The following MECOM variants were observed in gnomAD, a reference collection of about 807,000 sequenced individuals.
MECOM encodes the protein MDS1 and EVI1 complex locus.
Under a neutral mutation model 116.3 loss-of-function variants are expected in MECOM, and 13 were observed. The observed-to-expected ratio is 0.11, with a 90% CI of 0.07 to 0.18. The LOEUF is 0.18. Among genes scored for constraint, MECOM ranks in the 10% least tolerant of loss-of-function variants. The pLI, the probability that MECOM is intolerant of heterozygous loss-of-function variation, is 1.00. For synonymous variants in MECOM, 528 were observed against 535.2 expected (o/e 0.99, Z 0.19); for missense variants, 1,299 against 1,509.0 (o/e 0.86, Z 2.31).
At chr3:169,526,900 G>T (rs1758029738) in intron 1 of MECOM, among the ~76,000 whole-genome samples, 1 of 151,984 alleles carries the variant, frequency 6.6e-6, no homozygotes, top group South Asian at 2.1e-4. Context: ...ATAAAATAAT[G>T]ATTCTACACA....
chr3:169,520,491 G>C (rs1250943387), intron 1 of MECOM, among the ~76,000 whole-genome samples: 2 of 152,106 alleles, frequency 1.3e-5, no homozygotes, highest in Non-Finnish European at 2.9e-5. Context: ...GGGGATGGAG[G>C]CTATCTTTCC....
intron 2 of MECOM, among the ~76,000 whole-genome samples, chr3:169,267,834 T>A (rs1362558346): frequency 1.3e-5 from 2 of 151,900 alleles, no homozygotes; most frequent in Non-Finnish European, 2.9e-5. Context: ...ACACGAATAA[T>A]CACAATCCTC....
rs564125157 is a variant in MECOM, at chr3:169,651,880, A to G, written c.37+11456T>C. ...TGGGGGAAAAAATCTGCTGGAAGCT[A>G]CACTAAAGGATGAATGGTGGTCATC... On this transcript the variant is annotated intron_variant, in intron 1 of 16. Coordinates refer to ENST00000651503, the MANE Select transcript of MECOM (RefSeq NM_004991.4). Among the ~76,000 whole-genome samples the G allele has an allele frequency of 2.0e-5, 3 of 152,336 alleles. No homozygotes were observed. The East Asian group carries it at 5.8e-4, about 29-fold the overall frequency.
At chr3:169,147,499 T>A (rs955933759) in intron 2 of MECOM, 6 of 985,300 alleles carry the variant, frequency 6.1e-6, no homozygotes, top group Non-Finnish European at 7.2e-6. Flanking sequence ...GCTCCTCTTT[T>A]AAATTTTTAA....
intron 2 of MECOM, among the ~76,000 whole-genome samples, chr3:169,239,931 C>G (rs1754578243): frequency 6.6e-6 from 1 of 152,118 alleles, no homozygotes. Flanking sequence ...AAGCTTTTTA[C>G]TACAAGAATT....
At chr3:169,360,432 T>A (rs186979673) in intron 2 of MECOM, among the ~76,000 whole-genome samples, 1 of 151,290 alleles carries the variant, frequency 6.6e-6, no homozygotes, top group Non-Finnish European at 1.5e-5. Context: ...CTGTAATAGA[T>A]TTTCTGTAGA....
intron 1 of MECOM, among the ~76,000 whole-genome samples, chr3:169,571,286 G>C (rs1027212245): frequency 6.6e-6 from 1 of 152,150 alleles, no homozygotes; most frequent in African/African-American, 2.4e-5. Flanking sequence ...ATTTACAAGG[G>C]ATGTGAAGGA....
chr3:169,310,806 A>G (rs1327475516), intron 2 of MECOM, among the ~76,000 whole-genome samples: 3 of 152,224 alleles, frequency 2.0e-5, no homozygotes, highest in Non-Finnish European at 4.4e-5. Context: ...CCTAACAGAC[A>G]TAGCTGTGTT....
intron 2 of MECOM, among the ~76,000 whole-genome samples, chr3:169,323,150 T>C (rs1721216034): frequency 6.6e-6 from 1 of 152,148 alleles, no homozygotes; most frequent in African/African-American, 2.4e-5. Context: ...AGTCATCATA[T>C]GCACTCACAC....
At position 169,655,814 on chromosome 3, in the gene MECOM, A is replaced by T. The variant is rs187061372; in HGVS notation, c.37+7522T>A. ...AAAAAGGATGTTTCTTCTTCAGAAA[A>T]TTTAACTGATAAATTATAAGGAAAC... is the stretch of plus-strand genomic sequence containing the variant. On this transcript the variant is annotated intron_variant, in intron 1 of 16. Coordinates refer to ENST00000651503, the MANE Select transcript of MECOM (RefSeq NM_004991.4). Among the ~76,000 whole-genome samples the T allele has an allele frequency of 5.5e-3, 845 of 152,346 alleles. 9 individuals are homozygous for T. Among genetic ancestry groups the T allele is most frequent in the Non-Finnish European group, 7.7e-3 (521 of 68,034 alleles).
At chr3:169,319,996 G>A (rs564404380) in intron 2 of MECOM, among the ~76,000 whole-genome samples, 10 of 152,302 alleles carry the variant, frequency 6.6e-5, no homozygotes, top group African/African-American at 2.4e-4. Flanking sequence ...GAGGTCGTAC[G>A]GTGACTTTGC....
At chr3:169,482,538 G>A (rs1422847393) in intron 1 of MECOM, among the ~76,000 whole-genome samples, 1 of 151,916 alleles carries the variant, frequency 6.6e-6, no homozygotes, top group African/African-American at 2.4e-5. Flanking sequence ...GTGTCACCGT[G>A]TTAGCCAGAA....
At chr3:169,325,062 A>T (rs1721615451) in intron 2 of MECOM, among the ~76,000 whole-genome samples, 1 of 152,166 alleles carries the variant, frequency 6.6e-6, no homozygotes, top group Non-Finnish European at 1.5e-5. Flanking sequence ...TTGAAGTCTA[A>T]CCTACCATGG....
chr3:169,565,910 C>T (rs1194752074), intron 1 of MECOM: 2 of 440,364 alleles, frequency 4.5e-6, no homozygotes, highest in Non-Finnish European at 4.5e-6. Flanking sequence ...TTTCACACTC[C>T]TTTAAAGAAC....
At chr3:169,132,045 G>A in intron 3 of MECOM, 1 of 898,688 alleles carries the variant, frequency 1.1e-6, no homozygotes, top group Non-Finnish European at 1.3e-6. Flanking sequence ...GACAACAAAG[G>A]AGAGTATTTT....
chr3:169,537,305 CA>C (rs774809035), intron 1 of MECOM, among the ~76,000 whole-genome samples: 97 of 152,266 alleles, frequency 6.4e-4, no homozygotes, highest in African/African-American at 2.2e-3. Flanking sequence ...CTAGCATAGC[CA>C]TTAGTATTAG....
intron 2 of MECOM, among the ~76,000 whole-genome samples, chr3:169,228,638 C>T (rs996961430): frequency 6.6e-6 from 1 of 152,156 alleles, no homozygotes; most frequent in South Asian, 2.1e-4. Context: ...CAATTAACCT[C>T]AAAGGCATTT....
Position 169,350,289 on chromosome 3 carries a change from C to A in MECOM, c.375+30898G>T, listed in dbSNP as rs114116134. 3.5e-3 allele frequency among the ~76,000 whole-genome samples: 532 copies of A among 152,004 alleles called. 3 individuals carry two copies. The highest frequency in any genetic ancestry group is 0.012 in the African/African-American group (488 of 41,488). On this transcript the variant is annotated intron_variant, in intron 2 of 16. Transcript: ENST00000651503. ...ACTTGGAACCTGGTCTAAGCTCTAC[C>A]CCCAAAGTAGTTGGGTGACCTTGAG...
chr3:169,378,446 AAAGAAGGAAAGCAAGC>A (rs1380291645), intron 2 of MECOM, among the ~76,000 whole-genome samples: 1,500 of 80,362 alleles, frequency 0.019, 169 homozygotes, highest in Middle Eastern at 0.033. Context: ...AGAAAGAAAG[AAAGAAGGAAAGCAAGC>A]AAGCAAGCAA....
Sources: gnomAD v4.1 joint callset for allele counts (sites outside exome capture counted in the v4.1 genomes callset) on GRCh38, gnomAD v4.1.1 for gene constraint, MANE v1.5 for transcripts, NCBI Gene and HGNC (gene_info 2026-07-23, HGNC 2026-07-21) for gene names.